TNR: variants seen among roughly 807,000 people sequenced by gnomAD.
TNR encodes tenascin R.
Under a neutral mutation model 150.4 loss-of-function variants are expected in TNR, and 45 were observed. The ratio of observed to expected loss-of-function variants is 0.30; its 90% CI spans 0.24 to 0.38. The LOEUF is 0.38. TNR is among the 10% of genes least tolerant of loss of function. The pLI, the probability that TNR is intolerant of heterozygous loss-of-function variation, is 1.00. For synonymous variants in TNR, 687 were observed against 678.4 expected, an observed-to-expected ratio of 1.01 and a Z score of -0.20; for missense variants, 1,544 against 1,759.1, an observed-to-expected ratio of 0.88 and a Z score of 2.19.
chr1:175,456,576 A>G (rs1042521468), intron 2 of TNR, among the ~76,000 whole-genome samples: 1 of 152,204 alleles, frequency 6.6e-6, no homozygotes, highest in African/African-American at 2.4e-5. Flanking sequence ...TAGTCTCAAA[A>G]TGAACAGTTC....
chr1:175,342,308 G>T (rs1191502406), intron 18 of TNR, among the ~76,000 whole-genome samples: 1 of 152,206 alleles, frequency 6.6e-6, no homozygotes, highest in Non-Finnish European at 1.5e-5. Context: ...GGTGACAACT[G>T]CTAATCAGAA....
intron 18 of TNR, among the ~76,000 whole-genome samples, chr1:175,347,936 AG>A (rs1187506101): frequency 6.6e-6 from 1 of 152,096 alleles, no homozygotes; most frequent in Non-Finnish European, 1.5e-5. Context: ...AATAAATAAG[AG>A]GTATAAGAAT....
intron 5 of TNR, 41 bp downstream of exon 5, chr1:175,396,503 G>A (rs757556168): frequency 2.5e-6 from 4 of 1,596,150 alleles, no homozygotes; most frequent in African/African-American, 1.3e-5. Context: ...TCTCATGTAG[G>A]AGAAAAGAAA....
chr1:175,681,792 T>C (rs997739941), intron 1 of TNR, among the ~76,000 whole-genome samples: 2 of 150,350 alleles, frequency 1.3e-5, no homozygotes, highest in Admixed American at 6.6e-5. Context: ...GAGTGGGGAG[T>C]GGGGTAGGGT....
intron 1 of TNR, among the ~76,000 whole-genome samples, chr1:175,675,208 C>T (rs564561419): frequency 1.3e-4 from 20 of 152,312 alleles, no homozygotes; most frequent in Middle Eastern, 3.4e-3. Context: ...GGCTTGTCGC[C>T]GCTGGCTTGT....
intron 1 of TNR, among the ~76,000 whole-genome samples, chr1:175,557,840 T>C (rs546109943): frequency 1.5e-3 from 177 of 120,006 alleles, no homozygotes; most frequent in Non-Finnish European, 2.6e-3. Flanking sequence ...TATTGCGGCA[T>C]TATTCACAAT....
At chr1:175,520,601 G>A (rs1659598334) in intron 2 of TNR, among the ~76,000 whole-genome samples, 1 of 152,114 alleles carries the variant, frequency 6.6e-6, no homozygotes, top group South Asian at 2.1e-4. Flanking sequence ...CAATCAGTCA[G>A]GGCTGCTCCA....
chr1:175,471,095 A>G (rs972500211), intron 2 of TNR, among the ~76,000 whole-genome samples: 1 of 152,218 alleles, frequency 6.6e-6, no homozygotes, highest in Admixed American at 6.5e-5. Flanking sequence ...TTAGTCAGCG[A>G]AGAGAGAAGG....
intron 1 of TNR, among the ~76,000 whole-genome samples, chr1:175,547,548 AG>A (rs1417987771): frequency 6.7e-6 from 1 of 149,746 alleles, no homozygotes; most frequent in African/African-American, 2.5e-5. Context: ...TAGACAAAGG[AG>A]AAAGAAAGAT....
At chr1:175,518,392 A>T (rs868358679) in intron 2 of TNR, among the ~76,000 whole-genome samples, 4 of 152,110 alleles carry the variant, frequency 2.6e-5, no homozygotes, top group Admixed American at 1.3e-4. Context: ...TCTGTCCTCG[A>T]TCCCATCCCC....
At chr1:175,545,942 T>G (rs1571587417) in intron 1 of TNR, among the ~76,000 whole-genome samples, 1 of 151,828 alleles carries the variant, frequency 6.6e-6, no homozygotes, top group African/African-American at 2.4e-5. Flanking sequence ...GGCAGGGAAG[T>G]ATAAAGAGTG....
intron 1 of TNR, among the ~76,000 whole-genome samples, chr1:175,708,742 G>A (rs1042551529): frequency 6.6e-6 from 1 of 152,182 alleles, no homozygotes; most frequent in Non-Finnish European, 1.5e-5. Context: ...CGGGCCTTAA[G>A]AAGGAAATCT....
intron 1 of TNR, among the ~76,000 whole-genome samples, chr1:175,739,153 G>A (rs1365515461): frequency 6.6e-6 from 1 of 152,082 alleles, no homozygotes; most frequent in Non-Finnish European, 1.5e-5. Context: ...ATTCTCAAAG[G>A]CAGGTGACCC....
At chr1:175,630,323 C>A (rs760404666) in intron 1 of TNR, among the ~76,000 whole-genome samples, 4 of 152,172 alleles carry the variant, frequency 2.6e-5, no homozygotes, top group Admixed American at 1.3e-4. Context: ...TAAGTAAAGT[C>A]TTTTAATAGA....
At chr1:175,701,724 G>A (rs1272740760) in intron 1 of TNR, among the ~76,000 whole-genome samples, 1 of 152,182 alleles carries the variant, frequency 6.6e-6, no homozygotes, top group Non-Finnish European at 1.5e-5. Context: ...TTCCAGCATT[G>A]GGTGAGAGCA....
At chr1:175,598,923 CAGAAA>C (rs1242011984) in intron 1 of TNR, among the ~76,000 whole-genome samples, 1 of 152,188 alleles carries the variant, frequency 6.6e-6, no homozygotes, top group Non-Finnish European at 1.5e-5. Context: ...TCCATGAGGG[CAGAAA>C]TCCAACGTGT....
intron 4 of TNR, among the ~76,000 whole-genome samples, chr1:175,397,320 G>T (rs959314553): frequency 1.3e-5 from 2 of 152,104 alleles, no homozygotes; most frequent in Non-Finnish European, 2.9e-5. Flanking sequence ...CGTCATGTTG[G>T]TAATTGAAAT....
At chr1:175,417,768 T>C (rs535391399) in intron 2 of TNR, among the ~76,000 whole-genome samples, 5 of 152,282 alleles carry the variant, frequency 3.3e-5, no homozygotes, top group African/African-American at 9.6e-5. Context: ...AAATATCAAA[T>C]GACAGATTCA....
At chr1:175,526,902 C>G (rs1305738274) in intron 2 of TNR, among the ~76,000 whole-genome samples, 1 of 152,204 alleles carries the variant, frequency 6.6e-6, no homozygotes, top group African/African-American at 2.4e-5. Flanking sequence ...TCTGGACAAG[C>G]TATGTTCTCC....
Sources: gnomAD v4.1 joint callset for allele counts (sites outside exome capture counted in the v4.1 genomes callset) on GRCh38, gnomAD v4.1.1 for gene constraint, MANE v1.5 for transcripts, NCBI Gene and HGNC (gene_info 2026-07-23, HGNC 2026-07-21) for gene names.